Variants in EIF5A observed in about 807,000 individuals in gnomAD.
EIF5A encodes eukaryotic translation initiation factor 5A-1.
A neutral mutation model predicts 16.6 loss-of-function variants in EIF5A; 1 was observed. The ratio of observed to expected loss-of-function variants is 0.06; its 90% CI spans 0.02 to 0.28. The LOEUF is 0.28. Among genes scored for constraint, EIF5A ranks in the 10% least tolerant of loss-of-function variants. The pLI, the probability that EIF5A is intolerant of heterozygous loss-of-function variation, is 1.00. For synonymous variants in EIF5A, 80 were observed against 73.6 expected (o/e 1.09, Z -0.44); for missense variants, 29 against 196.1 (o/e 0.15, Z 5.09).
At chr17:7,308,325 C>G (rs963231545) in intron 1 of EIF5A, 1 of 1,158,948 alleles carries the variant, frequency 8.6e-7, no homozygotes, top group Non-Finnish European at 1.1e-6. Flanking sequence ...GGGGACCCCT[C>G]CCCCCAGGTC....
chr17:7,311,409 G>A lies in EIF5A; in HGVS notation c.330G>A (p.Glu110=), dbSNP rs371720032. The A allele has an allele frequency of 1.2e-6, 2 of 1,614,150 alleles. No homozygotes were observed. The highest frequency in any genetic ancestry group is 1.7e-6 in the Non-Finnish European group (2 of 1,180,032). Residue 110 remains glutamate, a synonymous_variant, in exon 4 of 6, where the codon GAG becomes GAA. Transcript: ENST00000336458. ...TCCAGGACAGCGGGGAGGTACGAGA[G>A]GACCTTCGTCTCCCTGAGGGAGACC... ...SLLQDSGEVR[E]DLRLPEGDLG... is the part of the protein sequence containing the mutation.
At chr17:7,307,881 G>T (rs1480299504) in intron 1 of EIF5A, 129 bp downstream of exon 1, 1 of 983,642 alleles carries the variant, frequency 1.0e-6, no homozygotes, top group South Asian at 4.6e-5. Flanking sequence ...GCCAGAGAGC[G>T]GCGCGAGGTG....
At chr17:7,307,358 G>A (rs1597612432), upstream of EIF5A, 1 of 1,240,374 alleles carries the variant, frequency 8.1e-7, no homozygotes. Flanking sequence ...CCGGTAGGAC[G>A]AGCGGTCTAT....
At chr17:7,308,349 G>T in intron 1 of EIF5A, 1 of 1,174,808 alleles carries the variant, frequency 8.5e-7, no homozygotes, top group Non-Finnish European at 1.1e-6. Flanking sequence ...GCCACCGGAA[G>T]CCCGGAACGG....
chr17:7,309,129 T>TGGG (rs371340314), intron 1 of EIF5A, among the ~76,000 whole-genome samples: 3 of 121,382 alleles, frequency 2.5e-5, no homozygotes, highest in Admixed American at 8.8e-5. Flanking sequence ...TGTGTGTGGA[T>TGGG]GGGGGGGGGC....
intron 1 of EIF5A, chr17:7,307,977 G>C: frequency 1.0e-6 from 1 of 985,292 alleles, no homozygotes; most frequent in Non-Finnish European, 1.2e-6. Flanking sequence ...GCAGGGCGGG[G>C]GACGGCGAGC....
chr17:7,310,681 G>A, intron 2 of EIF5A: 2 of 985,158 alleles, frequency 2.0e-6, no homozygotes, highest in Non-Finnish European at 2.4e-6. Context: ...TCCTTCTCCT[G>A]GTGTCCGGAA....
chr17:7,310,672 CCTT>C lies in EIF5A; in HGVS notation c.166-343_166-341del, dbSNP rs1020639550. The C allele has an allele frequency of 1.2e-5, 12 of 985,288 alleles. No homozygotes were observed. In the Admixed American group the frequency reaches 5.5e-4, roughly 45 times the overall value. 61.0% of individuals were successfully genotyped at this position (985,288 alleles called of 1,614,324 possible). On this transcript the variant is annotated intron_variant, in intron 2 of 5. Coordinates refer to ENST00000336458, the MANE Select transcript of EIF5A (RefSeq NM_001970.5). ...TTCCTTATTCCCCAGTTTCTCAGCT[CCTT>C]CTCCTGGTGTCCGGAAAACTCTTCG...
At chr17:7,308,412 G>T (rs2072700715) in intron 1 of EIF5A, 4 of 1,279,400 alleles carry the variant, frequency 3.1e-6, no homozygotes, top group Non-Finnish European at 4.1e-6. Flanking sequence ...TAGTCCTCGC[G>T]GGGGTTCCGA....
At position 7,307,890 on chromosome 17, in the gene EIF5A, TGAG is replaced by T. The variant is rs2072673413; in HGVS notation, c.-22+142_-22+144del. 16 of 977,076 alleles carry T rather than the reference TGAG, an allele frequency of 1.6e-5. No homozygotes were observed. In the South Asian group the frequency reaches 7.1e-4, roughly 43 times the overall value. The allele number at this position is 977,076 out of a possible 1,614,324, so 60.5% of individuals were successfully genotyped here. A position where few individuals can be genotyped will look rare whatever the true frequency, so the allele number is the denominator to read the frequency against. ...GGTTCGGCCAGAGAGCGGCGCGAGG[TGAG>T]GAGAGGCGCGGGCGCGCGCCCCGGT... On this transcript the variant is annotated intron_variant, in intron 1 of 5. Transcript: ENST00000336458.
upstream of EIF5A, chr17:7,307,075 A>G (rs895047765): frequency 1.2e-5 from 19 of 1,604,776 alleles, no homozygotes; most frequent in Non-Finnish European, 1.3e-5. Context: ...ACTGATTCCA[A>G]GACAAGGCGC....
intron 1 of EIF5A, chr17:7,308,115 TG>T (rs2072682737): frequency 3.5e-6 from 3 of 867,812 alleles, no homozygotes; most frequent in Non-Finnish European, 3.9e-6. Context: ...CCACGTGAGG[TG>T]GGGGAGGGGG....
Position 7,311,669 on chromosome 17 carries a change from CTCACTGTCCCCT to C in EIF5A, c.*11+23_*11+34del. 3 of 1,613,842 alleles carry C rather than the reference CTCACTGTCCCCT, an allele frequency of 1.9e-6. No individual in the cohort carries two copies. Among genetic ancestry groups the C allele is most frequent in the Non-Finnish European group, 2.5e-6 (3 of 1,179,998 alleles). ...GCTCCCAGGTGAGTGTGACAAATCC[CTCACTGTCCCCT>C]TCACATTTTGTTGTCCTCAGCAGAG... On this transcript the variant is annotated intron_variant, in intron 5 of 5. Coordinates refer to ENST00000336458, the MANE Select transcript of EIF5A (RefSeq NM_001970.5).
At chr17:7,308,916 G>T (rs947259831) in intron 1 of EIF5A, among the ~76,000 whole-genome samples, 8 of 152,242 alleles carry the variant, frequency 5.3e-5, no homozygotes, top group African/African-American at 1.9e-4. Context: ...CGACAGGACA[G>T]ATGCATCCTG....
upstream of EIF5A, chr17:7,307,268 C>T (rs1454902467): frequency 6.0e-5 from 70 of 1,175,030 alleles, no homozygotes; most frequent in Non-Finnish European, 7.6e-5. Flanking sequence ...ATTCCGAACA[C>T]GCATGCGTTC....
chr17:7,310,239 C>T, intron 2 of EIF5A: 2 of 1,290,170 alleles, frequency 1.6e-6, no homozygotes, highest in African/African-American at 1.5e-5. Flanking sequence ...GCTTTCAGGT[C>T]ACCTTGCTGC....
intron 4 of EIF5A, 32 bp downstream of exon 4, chr17:7,311,513 A>T: frequency 6.2e-7 from 1 of 1,614,026 alleles, no homozygotes; most frequent in South Asian, 1.1e-5. Flanking sequence ...TTCTGTGCTC[A>T]GCTTTGTTCT....
chr17:7,310,360 G>A, intron 2 of EIF5A: 1 of 1,216,830 alleles, frequency 8.2e-7, no homozygotes, highest in Non-Finnish European at 1.0e-6. Context: ...GCTTTCATGG[G>A]TTTTAACATT....
intron 1 of EIF5A, among the ~76,000 whole-genome samples, chr17:7,308,859 C>A (rs1158806935): frequency 6.6e-6 from 1 of 152,200 alleles, no homozygotes; most frequent in South Asian, 2.1e-4. Flanking sequence ...TCACCACCCC[C>A]CACCTCTCCC....
Sources: allele counts gnomAD v4.1 joint callset (sites outside exome capture counted in the v4.1 genomes callset), GRCh38; gene constraint gnomAD v4.1.1; transcripts MANE v1.5; gene names NCBI Gene and HGNC (gene_info 2026-07-23, HGNC 2026-07-21).